Variants in CAMK1D observed in about 807,000 individuals in gnomAD.
CAMK1D encodes calcium/calmodulin dependent protein kinase ID, also known as calcium/calmodulin-dependent protein kinase type 1D.
In CAMK1D, 9 loss-of-function variants were observed where a neutral mutation model predicts 47.7. The ratio of observed to expected loss-of-function variants is 0.19; its 90% CI spans 0.11 to 0.33. The LOEUF (loss-of-function observed/expected upper bound fraction) is 0.33. Among genes scored for constraint, CAMK1D ranks in the 10% least tolerant of loss-of-function variants. The pLI is 1.00. For missense variants in CAMK1D, 291 were observed against 488.7 expected, an observed-to-expected ratio of 0.60 and a Z score of 3.81; for synonymous variants, 184 against 184.9, an observed-to-expected ratio of 0.99 and a Z score of 0.04.
rs1020838323 is a variant in CAMK1D at position 12,615,877 on chromosome 10, AGT to A, written c.225-50856_225-50855del. ...AGGTGTGTATGCATGTATGTGTATA[AGT>A]GTATGCATAAGTGAGAGCATGTGCT... On this transcript the variant is annotated intron_variant, in intron 2 of 10. Transcript: ENST00000619168. Among the ~76,000 whole-genome samples the A allele has an allele frequency of 2.9e-4, 42 of 145,038 alleles. No individual in the cohort carries two copies. The East Asian group carries it at 4.3e-3, about 15-fold the overall frequency.
intron 8 of CAMK1D, among the ~76,000 whole-genome samples, chr10:12,816,872 CAA>C (rs71386122): frequency 0.21 from 11,845 of 56,582 alleles, 525 homozygotes; most frequent in East Asian, 0.47. Flanking sequence ...AACTCTGTCT[CAA>C]AAAAAAAAAA....
intron 3 of CAMK1D, among the ~76,000 whole-genome samples, chr10:12,725,080 A>T (rs1834562317): frequency 1.3e-5 from 2 of 152,186 alleles, no homozygotes; most frequent in African/African-American, 4.8e-5. Flanking sequence ...GTTTCTCCTT[A>T]GCCGTGTGGA....
At chr10:12,408,828 G>T (rs1195847555) in intron 1 of CAMK1D, among the ~76,000 whole-genome samples, 2 of 145,406 alleles carry the variant, frequency 1.4e-5, no homozygotes. Context: ...TATGGTTTTC[G>T]TTCATTTCTT....
chr10:12,524,211 C>T (rs1433091564), intron 1 of CAMK1D, among the ~76,000 whole-genome samples: 4 of 151,282 alleles, frequency 2.6e-5, no homozygotes, highest in African/African-American at 7.3e-5. Context: ...GTAATCCGCC[C>T]ATCTCAGCCT....
intron 3 of CAMK1D, among the ~76,000 whole-genome samples, chr10:12,719,460 T>C (rs1480760217): frequency 1.3e-5 from 2 of 151,842 alleles, no homozygotes; most frequent in African/African-American, 4.8e-5. Flanking sequence ...ATTTCCCTCA[T>C]TTCATGAATG....
At chr10:12,732,898 G>C (rs1481960391) in intron 3 of CAMK1D, among the ~76,000 whole-genome samples, 4 of 152,112 alleles carry the variant, frequency 2.6e-5, no homozygotes, top group African/African-American at 9.7e-5. Context: ...ACTTACATCT[G>C]ACAAGCCACT....
chr10:12,357,977 C>T (rs775660465), intron 1 of CAMK1D, among the ~76,000 whole-genome samples: 1 of 152,132 alleles, frequency 6.6e-6, no homozygotes, highest in Non-Finnish European at 1.5e-5. Flanking sequence ...AAGTTCATTC[C>T]GCCACAGACC....
rs187983696 is a variant in CAMK1D at position 12,726,971 on chromosome 10, G to A, written c.300-33977G>A. Among the ~76,000 whole-genome samples, 27 of 152,364 alleles carry A rather than the reference G, an allele frequency of 1.8e-4. No homozygotes were observed. The East Asian group carries it at 4.8e-3, about 27-fold the overall frequency. The stretch of plus-strand genomic sequence containing the variant: ...CCCAGGGCCATGGTGAGGAGCGGCT[G>A]TATTCAGTCAGGCCTACGGCACGCC... On this transcript the variant is annotated intron_variant, in intron 3 of 10. Transcript: ENST00000619168.
chr10:12,766,361 CTTT>C lies in CAMK1D; in HGVS notation c.439-3295_439-3293del, dbSNP rs61097569. On this transcript the variant is annotated intron_variant, in intron 4 of 10. Transcript: ENST00000619168. The stretch of plus-strand genomic sequence containing the variant: ...CTGGCCAGCCCCACGTTGCCTGTTT[CTTT>C]TTTTTTTTTTTTTTTTGAGACGGAG... 3.0e-3 allele frequency among the ~76,000 whole-genome samples: 308 copies of C among 103,330 alleles called. 2 individuals are homozygous for C. The highest frequency in any genetic ancestry group is 0.011 in the African/African-American group (296 of 26,116). 67.8% of individuals were successfully genotyped at this position (103,330 alleles called of 152,430 possible).
chr10:12,828,686 A>T, intron 10 of CAMK1D, 83 bp from the exon 11 acceptor site: 1 of 993,238 alleles, frequency 1.0e-6, no homozygotes, highest in Non-Finnish European at 1.5e-6. Flanking sequence ...CCATAAACCC[A>T]GCCCCTCTGA....
At chr10:12,692,345 A>G (rs1832962396) in intron 3 of CAMK1D, among the ~76,000 whole-genome samples, 1 of 152,142 alleles carries the variant, frequency 6.6e-6, no homozygotes, top group South Asian at 2.1e-4. Flanking sequence ...ACATATACAC[A>G]CTTTGGTATA....
chr10:12,595,064 A>G (rs953204278), intron 2 of CAMK1D, among the ~76,000 whole-genome samples: 9 of 152,068 alleles, frequency 5.9e-5, no homozygotes, highest in Admixed American at 3.3e-4. Flanking sequence ...GGGGGAGACC[A>G]GGTGTGGTGC....
Position 12,427,709 on chromosome 10 carries a change from T to TTTTTTTTTTTTTTTTTG in CAMK1D, c.92+77800_92+77816dup, listed in dbSNP as rs1840294237. Among the ~76,000 whole-genome samples the TTTTTTTTTTTTTTTTTG allele has an allele frequency of 1.9e-5, 2 of 106,986 alleles. 1 individual carries two copies. Among genetic ancestry groups the TTTTTTTTTTTTTTTTTG allele is most frequent in the Non-Finnish European group, 3.9e-5 (2 of 51,788 alleles). The allele number at this position is 106,986 out of a possible 152,430, so 70.2% of individuals were successfully genotyped here. Reference sequence around the variant, plus strand: ...CTTCACTGAACTTACTGTTTTTTTTTTTTTTTTTTTTTTTTTGAGACGGAG... The same window carrying TTTTTTTTTTTTTTTTTG: ...CTTCACTGAACTTACTGTTTTTTTTTTTTTTTTTTTTTTTTTGTTTTTTTTTTTTTTTTGAGACGGAG... On this transcript the variant is annotated intron_variant, in intron 1 of 10. Transcript: ENST00000619168.
chr10:12,656,083 A>G (rs1432574424), intron 2 of CAMK1D, among the ~76,000 whole-genome samples: 2 of 152,194 alleles, frequency 1.3e-5, no homozygotes, highest in African/African-American at 4.8e-5. Flanking sequence ...TGATTTCTAG[A>G]CAAGGAAACC....
intron 1 of CAMK1D, among the ~76,000 whole-genome samples, chr10:12,485,562 C>T (rs993274565): frequency 5.3e-5 from 8 of 152,148 alleles, no homozygotes; most frequent in African/African-American, 1.2e-4. Flanking sequence ...AGGCACTGCT[C>T]GTTGGGCCTG....
intron 1 of CAMK1D, among the ~76,000 whole-genome samples, chr10:12,501,541 A>G (rs771607110): frequency 2.6e-5 from 4 of 152,146 alleles, no homozygotes; most frequent in Non-Finnish European, 4.4e-5. Flanking sequence ...GCTCTGTGCT[A>G]GGGGCTCGGA....
At chr10:12,743,481 A>G (rs1016102586) in intron 3 of CAMK1D, among the ~76,000 whole-genome samples, 1 of 152,222 alleles carries the variant, frequency 6.6e-6, no homozygotes, top group Non-Finnish European at 1.5e-5. Context: ...TAATGGGTCT[A>G]TAAAAAAAGG....
chr10:12,387,373 ATTATATAT>A (rs1554763227), intron 1 of CAMK1D, among the ~76,000 whole-genome samples: 1 of 34,418 alleles, frequency 2.9e-5, no homozygotes, highest in East Asian at 1.4e-3. Flanking sequence ...TAATATATAT[ATTATATAT>A]TATATATATT....
chr10:12,650,755 G>A (rs1346204714), intron 2 of CAMK1D, among the ~76,000 whole-genome samples: 1 of 152,166 alleles, frequency 6.6e-6, no homozygotes, highest in Non-Finnish European at 1.5e-5. Flanking sequence ...GTTGTATTAA[G>A]CAGAGCTTTC....
Sources: allele counts gnomAD v4.1 joint callset (sites outside exome capture counted in the v4.1 genomes callset), GRCh38; gene constraint gnomAD v4.1.1; transcripts MANE v1.5; gene names NCBI Gene and HGNC (gene_info 2026-07-23, HGNC 2026-07-21).